Variants in PPM1H observed in about 807,000 individuals in gnomAD.
The protein encoded by PPM1H is protein phosphatase 1H.
Under a neutral mutation model 54.9 loss-of-function variants are expected in PPM1H, and 27 were observed. That is an observed-to-expected ratio of 0.49 (90% CI 0.36 to 0.68). The LOEUF is 0.68. PPM1H is among the 30% of genes least tolerant of loss of function. The pLI is 0.00. For synonymous variants in PPM1H, 305 were observed against 270.8 expected (o/e 1.13, Z -1.24); for missense variants, 596 against 667.8 (o/e 0.89, Z 1.19).
chr12:62,923,037 G>C (rs999028378), intron 1 of PPM1H, among the ~76,000 whole-genome samples: 7 of 152,100 alleles, frequency 4.6e-5, no homozygotes, highest in Admixed American at 3.9e-4. Flanking sequence ...TATCAACTGA[G>C]TGAGCATTTG....
rs75183218 is a variant in PPM1H, at chr12:62,705,400, C to T, written c.1074-11401G>A. On this transcript the variant is annotated intron_variant, in intron 6 of 9. Transcript: ENST00000228705. ...TATTTACTGAGCACCTAGTAGGTGC[C>T]GGGCACTGGCACAGGTGCTGGGTAT... 5.9e-3 allele frequency among the ~76,000 whole-genome samples: 901 copies of T among 152,196 alleles called. 4 individuals carry two copies. The highest frequency in any genetic ancestry group is 0.02 in the Middle Eastern group (6 of 294).
chr12:62,932,486 C>A (rs1872170842), intron 1 of PPM1H, among the ~76,000 whole-genome samples: 1 of 152,178 alleles, frequency 6.6e-6, no homozygotes, highest in South Asian at 2.1e-4. Flanking sequence ...TTCCTTCTCG[C>A]CTTGACAGGC....
At chr12:62,805,834 A>T (rs1395050011) in intron 2 of PPM1H, among the ~76,000 whole-genome samples, 6 of 152,238 alleles carry the variant, frequency 3.9e-5, no homozygotes, top group Non-Finnish European at 7.3e-5. Flanking sequence ...CTGAGAGAGT[A>T]GATTTTAAGT....
chr12:62,685,646 G>A (rs966855925), intron 8 of PPM1H, among the ~76,000 whole-genome samples: 2 of 152,148 alleles, frequency 1.3e-5, no homozygotes, highest in South Asian at 2.1e-4. Context: ...GAGATAGGGA[G>A]GTGTTGGTCA....
chr12:62,779,237 CG>C (rs972910582), intron 4 of PPM1H, among the ~76,000 whole-genome samples: 15 of 151,850 alleles, frequency 9.9e-5, no homozygotes, highest in African/African-American at 3.1e-4. Context: ...TTAGTAGAGA[CG>C]GGGTTTCACC....
intron 4 of PPM1H, among the ~76,000 whole-genome samples, chr12:62,763,696 G>A (rs889167830): frequency 2.0e-5 from 3 of 152,252 alleles, no homozygotes; most frequent in Non-Finnish European, 4.4e-5. Flanking sequence ...ATGCAGAGAT[G>A]TGGTAAATGA....
intron 1 of PPM1H, among the ~76,000 whole-genome samples, chr12:62,843,904 C>T (rs913547678): frequency 6.6e-6 from 1 of 152,138 alleles, no homozygotes; most frequent in Admixed American, 6.5e-5. Flanking sequence ...TTACCTTTGT[C>T]CCCAGACCCA....
chr12:62,816,863 T>A (rs1335716982), intron 2 of PPM1H, among the ~76,000 whole-genome samples: 1 of 151,850 alleles, frequency 6.6e-6, no homozygotes, highest in East Asian at 1.9e-4. Context: ...ACATGATTTA[T>A]TTTCCTTGCA....
chr12:62,933,237 G>T (rs936907220), intron 1 of PPM1H, among the ~76,000 whole-genome samples: 2 of 152,122 alleles, frequency 1.3e-5, no homozygotes, highest in Non-Finnish European at 2.9e-5. Context: ...TCAGCCCATG[G>T]AGAAACGCTT....
chr12:62,903,895 T>A (rs1200346253), intron 1 of PPM1H, among the ~76,000 whole-genome samples: 1 of 152,132 alleles, frequency 6.6e-6, no homozygotes, highest in Non-Finnish European at 1.5e-5. Flanking sequence ...TGGTGTACAC[T>A]GATGTTCATA....
intron 2 of PPM1H, among the ~76,000 whole-genome samples, chr12:62,830,808 C>A (rs546161169): frequency 1.7e-4 from 26 of 152,282 alleles, no homozygotes; most frequent in African/African-American, 6.0e-4. Flanking sequence ...CAAAATAAAT[C>A]AATACTTATC....
At chr12:62,742,674 G>A (rs539999613) in intron 4 of PPM1H, among the ~76,000 whole-genome samples, 11 of 152,296 alleles carry the variant, frequency 7.2e-5, no homozygotes, top group Non-Finnish European at 1.3e-4. Flanking sequence ...CCGTGGCTGC[G>A]AGGGTGCAGG....
intron 2 of PPM1H, among the ~76,000 whole-genome samples, chr12:62,817,795 C>T (rs1011868791): frequency 6.6e-6 from 1 of 152,118 alleles, no homozygotes; most frequent in African/African-American, 2.4e-5. Flanking sequence ...TTCCTTTTGC[C>T]TTTCCCTGCC....
At chr12:62,828,774 A>C (rs181324506) in intron 2 of PPM1H, among the ~76,000 whole-genome samples, 1 of 152,216 alleles carries the variant, frequency 6.6e-6, no homozygotes, top group Non-Finnish European at 1.5e-5. Context: ...CAGACAACCC[A>C]ATTTTTAAAA....
At chr12:62,873,143 T>A (rs1046137150) in intron 1 of PPM1H, among the ~76,000 whole-genome samples, 127 of 152,324 alleles carry the variant, frequency 8.3e-4, no homozygotes, top group African/African-American at 2.6e-3. Context: ...GTTGGGTGTC[T>A]TCCTACTCTG....
chr12:62,873,795 G>C (rs551230234), intron 1 of PPM1H, among the ~76,000 whole-genome samples: 1 of 152,166 alleles, frequency 6.6e-6, no homozygotes, highest in Non-Finnish European at 1.5e-5. Flanking sequence ...CAGTTTGTGA[G>C]GACAAAGTTT....
chr12:62,874,935 G>A (rs1870108353), intron 1 of PPM1H, among the ~76,000 whole-genome samples: 1 of 152,144 alleles, frequency 6.6e-6, no homozygotes, highest in Admixed American at 6.5e-5. Context: ...AGGAGTGGAA[G>A]GGACACATAG....
intron 6 of PPM1H, among the ~76,000 whole-genome samples, chr12:62,700,914 C>T (rs918141473): frequency 2.0e-5 from 3 of 152,176 alleles, no homozygotes; most frequent in Non-Finnish European, 4.4e-5. Context: ...AGTCCCCTTT[C>T]CTGCTTTATT....
intron 1 of PPM1H, among the ~76,000 whole-genome samples, chr12:62,930,797 G>T (rs1268262064): frequency 6.6e-6 from 1 of 152,196 alleles, no homozygotes; most frequent in East Asian, 1.9e-4. Flanking sequence ...ACTTGCTAAT[G>T]CATGTTTTTA....
Sources: gnomAD v4.1 joint callset for allele counts (sites outside exome capture counted in the v4.1 genomes callset) on GRCh38, gnomAD v4.1.1 for gene constraint, MANE v1.5 for transcripts, NCBI Gene and HGNC (gene_info 2026-07-23, HGNC 2026-07-21) for gene names.